Variants in FCHO2 observed in about 807,000 individuals in gnomAD.
FCHO2 encodes the protein FCH and mu domain containing endocytic adaptor 2.
Under a neutral mutation model 114.1 loss-of-function variants are expected in FCHO2, and 43 were observed. The ratio of observed to expected loss-of-function variants is 0.38; its 90% CI spans 0.30 to 0.49. The LOEUF is 0.49. Among genes scored for constraint, FCHO2 ranks in the 20% least tolerant of loss-of-function variants. The probability of loss-of-function intolerance (pLI) is 0.97; values close to 1 mark genes in which losing one functional copy is unlikely to be tolerated. For missense variants in FCHO2, 807 were observed against 950.4 expected (o/e 0.85, Z 1.98); for synonymous variants, 293 against 315.2 (o/e 0.93, Z 0.75).
intron 2 of FCHO2, among the ~76,000 whole-genome samples, chr5:72,981,997 G>C (rs1175348532): frequency 6.6e-6 from 1 of 152,134 alleles, no homozygotes; most frequent in Non-Finnish European, 1.5e-5. Flanking sequence ...TTGCTGGTGA[G>C]GAGTTGTGGT....
At chr5:72,963,660 TGCCTTA>T (rs1172004811) in intron 1 of FCHO2, among the ~76,000 whole-genome samples, 17 of 152,074 alleles carry the variant, frequency 1.1e-4, no homozygotes. Context: ...GGGATCCTCT[TGCCTTA>T]GCCTTTGGAG....
At chr5:72,992,568 AGAGCCTG>A (rs1180704686) in intron 5 of FCHO2, among the ~76,000 whole-genome samples, 1 of 152,122 alleles carries the variant, frequency 6.6e-6, no homozygotes, top group Non-Finnish European at 1.5e-5. Flanking sequence ...TGAGGTACAA[AGAGCCTG>A]GCTCATTGCC....
chr5:73,025,230 C>T (rs1207764328), intron 8 of FCHO2, among the ~76,000 whole-genome samples: 6 of 151,956 alleles, frequency 3.9e-5, no homozygotes, highest in African/African-American at 1.5e-4. Flanking sequence ...TTTTTTGAGA[C>T]AGAGTTTCAC....
intron 8 of FCHO2, among the ~76,000 whole-genome samples, chr5:73,018,045 T>A (rs1055074981): frequency 2.0e-5 from 3 of 152,182 alleles, no homozygotes; most frequent in Non-Finnish European, 4.4e-5. Context: ...GCAAGATACA[T>A]GTTTCACTCC....
intron 2 of FCHO2, among the ~76,000 whole-genome samples, chr5:72,986,886 T>C (rs1482436651): frequency 2.2e-5 from 3 of 139,242 alleles, no homozygotes; most frequent in African/African-American, 5.9e-5. Context: ...TTTTTTTTTC[T>C]TTTTTTTTTT....
At chr5:72,974,393 T>G (rs934259852) in intron 2 of FCHO2, among the ~76,000 whole-genome samples, 1 of 147,478 alleles carries the variant, frequency 6.8e-6, no homozygotes, top group Non-Finnish European at 1.5e-5. Flanking sequence ...GCTCCTGTAT[T>G]GGGTGCATAT....
At chr5:73,020,778 A>G (rs1366155467) in intron 8 of FCHO2, 1 of 986,314 alleles carries the variant, frequency 1.0e-6, no homozygotes, top group African/African-American at 1.6e-5. Context: ...GAGATATGGC[A>G]CTGTCCCCAT....
chr5:72,975,352 G>C (rs1752800774), intron 2 of FCHO2, among the ~76,000 whole-genome samples: 1 of 152,030 alleles, frequency 6.6e-6, no homozygotes, highest in East Asian at 1.9e-4. Flanking sequence ...TTTGAGACAG[G>C]GTCTAGCTCT....
intron 2 of FCHO2, among the ~76,000 whole-genome samples, chr5:72,978,813 C>T (rs1003713724): frequency 7.2e-5 from 11 of 151,942 alleles, no homozygotes; most frequent in Admixed American, 3.9e-4. Flanking sequence ...GCGTTTTTTG[C>T]GTGAAGTGGT....
At position 72,999,932 on chromosome 5, in the gene FCHO2, G is replaced by T. The variant is rs115849961; in HGVS notation, c.496-6513G>T. ...ATGAGAAGAAATGTAGCTATTACTT[G>T]TAAAGCACAGTTTCCTCTTAAGAAC... is the stretch of plus-strand genomic sequence containing the variant. On this transcript the variant is annotated intron_variant, in intron 5 of 25. Transcript: ENST00000430046. Among the ~76,000 whole-genome samples, 1,099 of 152,314 alleles carry T rather than the reference G, an allele frequency of 7.2e-3. 17 individuals carry two copies. The highest frequency in any genetic ancestry group is 0.025 in the African/African-American group (1,050 of 41,578).
At chr5:73,062,526 C>T (rs893710472) in intron 17 of FCHO2, among the ~76,000 whole-genome samples, 2 of 152,018 alleles carry the variant, frequency 1.3e-5, no homozygotes, top group Non-Finnish European at 2.9e-5. Context: ...GATTTTGGTG[C>T]ACATTTCTTC....
intron 11 of FCHO2, chr5:73,051,134 G>C (rs899065745): frequency 3.0e-5 from 12 of 405,596 alleles, no homozygotes; most frequent in African/African-American, 2.1e-4. Flanking sequence ...TCATTTTGCA[G>C]GTCTTTCCTC....
chr5:72,970,969 T>C (rs370513927), intron 2 of FCHO2, among the ~76,000 whole-genome samples: 1,936 of 152,176 alleles, frequency 0.013, 46 homozygotes, highest in African/African-American at 0.045. Flanking sequence ...TTTGTTCTTG[T>C]GATAGTTTAC....
Position 73,087,621 on chromosome 5 carries a change from T to C in FCHO2, c.2278T>C (p.Ser760Pro). 6.2e-7 allele frequency: 1 copy of C among 1,613,884 alleles called. No individual in the cohort carries two copies. Among genetic ancestry groups the C allele is most frequent in the Non-Finnish European group, 8.5e-7 (1 of 1,179,844 alleles). Residue 760 changes from serine (S) to proline (P), a missense_variant, in exon 25 of 26, where the codon TCA (serine) becomes CCA (proline). Ser to Pro is a moderately conservative substitution (Grantham distance 74, BLOSUM62 -1). Coordinates refer to ENST00000430046, the MANE Select transcript of FCHO2 (RefSeq NM_138782.3). ...GTCCCTCCGAGCAAAATTTGATCTT[T>C]CAGAAGGACCTAGTAAACCCACGAC... ...SGSLRAKFDL[S>P]EGPSKPTTLA... is the part of the protein sequence containing the mutation.
chr5:73,033,028 C>T (rs1175844392), intron 8 of FCHO2, among the ~76,000 whole-genome samples: 3 of 151,786 alleles, frequency 2.0e-5, no homozygotes, highest in African/African-American at 7.3e-5. Flanking sequence ...TTTCAGCCTG[C>T]CTTCATCTCA....
At chr5:73,041,864 G>A (rs1434232487) in intron 11 of FCHO2, among the ~76,000 whole-genome samples, 1 of 152,080 alleles carries the variant, frequency 6.6e-6, no homozygotes, top group Non-Finnish European at 1.5e-5. Context: ...GTTACAGTGA[G>A]AGAGTAGATT....
intron 11 of FCHO2, among the ~76,000 whole-genome samples, chr5:73,045,393 G>A (rs1213425199): frequency 1.3e-5 from 2 of 152,166 alleles, no homozygotes; most frequent in Admixed American, 6.5e-5. Context: ...ACTCAGCACA[G>A]TTCTTTGGAG....
In FCHO2 at chr5:73,089,026, C is replaced by T. The variant is rs57967468; in HGVS notation, c.*936C>T. 19,247 of 152,414 alleles carry T rather than the reference C, an allele frequency of 0.13. 1,471 individuals carry two copies. The highest frequency in any genetic ancestry group is 0.18 in the Non-Finnish European group (12,169 of 67,908). The allele number at this position is 152,414 out of a possible 1,614,324, so 9.4% of individuals were successfully genotyped here. Reference sequence around the variant, plus strand: ...TTGGCCTGCAACTGGGAAGGGGATTCAGAGTCATAAAGCCTAACTTAAGAA... The same window carrying T: ...TTGGCCTGCAACTGGGAAGGGGATTTAGAGTCATAAAGCCTAACTTAAGAA... On this transcript the variant is annotated 3_prime_UTR_variant, in exon 26 of 26. Transcript: ENST00000430046.
rs925151551 is a variant in FCHO2, at chr5:73,090,181, C to T, written c.*2091C>T. The T allele has an allele frequency of 1.3e-5, 2 of 152,500 alleles. No homozygotes were observed. The highest frequency in any genetic ancestry group is 4.8e-5 in the African/African-American group (2 of 41,408). 9.4% of individuals were successfully genotyped at this position (152,500 alleles called of 1,614,324 possible). A position where few individuals can be genotyped will look rare whatever the true frequency, so the allele number is the denominator to read the frequency against. On this transcript the variant is annotated 3_prime_UTR_variant, in exon 26 of 26. Transcript: ENST00000430046. Reference sequence around the variant, plus strand: ...CATACCAAGTATTGGGTACAGGTTACAATTTTGAAGCCATATGAGTTTATA... The same window carrying T: ...CATACCAAGTATTGGGTACAGGTTATAATTTTGAAGCCATATGAGTTTATA...
Sources: allele counts gnomAD v4.1 joint callset (sites outside exome capture counted in the v4.1 genomes callset), GRCh38; gene constraint gnomAD v4.1.1; transcripts MANE v1.5; gene names NCBI Gene and HGNC (gene_info 2026-07-23, HGNC 2026-07-21).